OR1N2: variants seen among roughly 807,000 people sequenced by gnomAD.
OR1N2 encodes olfactory receptor family 1 subfamily N member 2, also known as olfactory receptor 1N2.
For missense variants in OR1N2, 358 were observed against 380.2 expected, an observed-to-expected ratio of 0.94 and a Z score of 0.49; for synonymous variants, 152 against 149.3, an observed-to-expected ratio of 1.02 and a Z score of -0.13.
chr9:122,554,046 G>C lies in OR1N2; in HGVS notation c.835G>C (p.Val279Leu), dbSNP rs757279700. The change falls in exon 1 of 1, where the codon GTT (valine) becomes CTT (leucine). Residue 279 changes from valine to leucine, a missense_variant. Transcript: ENST00000373688. ...YSTERESRAA[V>L]LYMVIIPTLN... Reference sequence around the variant, plus strand: ...TACAGAGAGGGAAAGTAGGGCTGCTGTTCTCTATATGGTGATTATTCCCAC... The same window carrying C: ...TACAGAGAGGGAAAGTAGGGCTGCTCTTCTCTATATGGTGATTATTCCCAC... 6.2e-7 allele frequency: 1 copy of C among 1,613,726 alleles called. No homozygotes were observed. The highest frequency in any genetic ancestry group is 1.7e-5 in the Admixed American group (1 of 60,002).
At position 122,553,729 on chromosome 9, in the gene OR1N2, C is replaced by T. The variant is rs1333940102; in HGVS notation, c.518C>T (p.Ala173Val). ...TLLLTRVAFC[A>V]QKAIPHFYCD... ...TTGCTGACCCGCGTGGCTTTCTGTGCCCAGAAAGCCATCCCTCATTTCTAT... is the reference window on the plus strand; with the variant it reads ...TTGCTGACCCGCGTGGCTTTCTGTGTCCAGAAAGCCATCCCTCATTTCTAT... The change falls in exon 1 of 1, where the codon GCC (alanine) becomes GTC (valine). Residue 173 changes from alanine to valine, a missense_variant. Physicochemically the swap from Ala to Val is moderately conservative, Grantham distance 64. Transcript: ENST00000373688. The T allele has an allele frequency of 6.2e-7, 1 of 1,613,430 alleles. No homozygotes were observed. Among genetic ancestry groups the T allele is most frequent in the Admixed American group, 1.7e-5 (1 of 59,988 alleles).
In OR1N2 at chr9:122,553,795, C is replaced by A; in HGVS notation, c.584C>A (p.Thr195Asn). 6.2e-7 allele frequency: 1 copy of A among 1,614,070 alleles called. No homozygotes were observed. The highest frequency in any genetic ancestry group is 1.1e-5 in the South Asian group (1 of 91,078). Residue 195 changes from threonine (T) to asparagine (N), a missense_variant, in exon 1 of 1, where the codon ACC (threonine) becomes AAC (asparagine). By Grantham distance (65) the Thr-to-Asn change is moderately conservative. Transcript: ENST00000373688. ...SALLKLACSD[T>N]HVNELMIITM... is the part of the protein sequence containing the mutation. ...CTCCTGAAGCTTGCCTGCTCAGATA[C>A]CCATGTAAACGAGCTGATGATCATC...
chr9:122,553,518 C>T lies in OR1N2; in HGVS notation c.307C>T (p.Gln103Ter). 6.2e-7 allele frequency: 1 copy of T among 1,614,108 alleles called. No homozygotes were observed. Among genetic ancestry groups the T allele is most frequent in the Non-Finnish European group, 8.5e-7 (1 of 1,180,000 alleles). ...CATCTCGTATTCTGGGTGTCTTGCA[C>T]AGCTATATTTCCTCCTTATGTTTGG... ...QIISYSGCLAQLYFLLMFGGL... is the reference protein window; with the variant it reads ...QIISYSGCLA Residue 103 changes from glutamine (Q) to a stop codon, truncating the protein, a stop_gained, in exon 1 of 1, where the codon CAG (glutamine) becomes TAG (stop). Transcript: ENST00000373688. LOFTEE classifies it low-confidence loss of function (END_TRUNC).
chr9:122,553,358 C>T lies in OR1N2; in HGVS notation c.147C>T (p.Ile49=). The T allele has an allele frequency of 6.2e-7, 1 of 1,614,012 alleles. No homozygotes were observed. Among genetic ancestry groups the T allele is most frequent in the Non-Finnish European group, 8.5e-7 (1 of 1,179,964 alleles). Residue 49 remains isoleucine, a synonymous_variant, in exon 1 of 1, where the codon ATC becomes ATT. Transcript: ENST00000373688. ...LVTMVGNLLI[I]LAISSDPHLH... ...CCATGGTGGGGAACCTGCTCATTAT[C>T]CTGGCCATCAGCTCTGACCCACACC...
In OR1N2 at chr9:122,554,071, C is replaced by A. The variant is rs1411272; in HGVS notation, c.860C>A (p.Thr287Lys). The part of the protein sequence containing the change: ...AAVLYMVIIP[T>K]LNPFIYSLRN... ...GTTCTCTATATGGTGATTATTCCCACGCTAAACCCATTCATTTATAGCTTG... is the reference window on the plus strand; with the variant it reads ...GTTCTCTATATGGTGATTATTCCCAAGCTAAACCCATTCATTTATAGCTTG... The change falls in exon 1 of 1, where the codon ACG becomes AAG. Residue 287 changes from threonine (T) to lysine (K), a missense_variant. By Grantham distance (78) the Thr-to-Lys change is moderately conservative (BLOSUM62 -1). Coordinates refer to ENST00000373688, the MANE Select transcript of OR1N2 (RefSeq NM_001004457.2). 2 of 1,613,230 alleles carry A rather than the reference C, an allele frequency of 1.2e-6. No homozygotes were observed. Among genetic ancestry groups the A allele is most frequent in the African/African-American group, 2.7e-5 (2 of 74,784 alleles).
chr9:122,553,352 C>G lies in OR1N2; in HGVS notation c.141C>G (p.Leu47=). 1 of 1,613,970 alleles carries G rather than the reference C, an allele frequency of 6.2e-7. No individual in the cohort carries two copies. Among genetic ancestry groups the G allele is most frequent in the African/African-American group, 1.3e-5 (1 of 74,980 alleles). Residue 47 remains leucine, a synonymous_variant, in exon 1 of 1, where the codon CTC becomes CTG. Coordinates refer to ENST00000373688, the MANE Select transcript of OR1N2 (RefSeq NM_001004457.2). ...TGGTCACCATGGTGGGGAACCTGCT[C>G]ATTATCCTGGCCATCAGCTCTGACC... ...MYLVTMVGNL[L]IILAISSDPH...
Position 122,553,577 on chromosome 9 carries a change from A to G in OR1N2, c.366A>G (p.Ala122=), listed in dbSNP as rs995053846. ...ACAACTGCCTGCTGGCTGTGATGGC[A>G]TATGACCGCTATGTGGCCATCTGCC... ...GLDNCLLAVM[A]YDRYVAICQP... is the part of the protein sequence containing the mutation. Residue 122 remains alanine, a synonymous_variant, in exon 1 of 1, where the codon GCA becomes GCG. Coordinates refer to ENST00000373688, the MANE Select transcript of OR1N2 (RefSeq NM_001004457.2). 3.7e-6 allele frequency: 6 copies of G among 1,614,100 alleles called. No individual in the cohort carries two copies. The highest frequency in any genetic ancestry group is 4.2e-6 in the Non-Finnish European group (5 of 1,180,000).
Position 122,553,898 on chromosome 9 carries a change from T to G in OR1N2, c.687T>G (p.Phe229Leu), listed in dbSNP as rs774233170. ...ATGTCCGCATTTTCTGGGCTGTGTT[T>G]GTCATCTCATCTCCTGGAGGGAGAT... The part of the protein sequence containing the change: ...FSYVRIFWAV[F>L]VISSPGGRWK... The change falls in exon 1 of 1, where the codon TTT (phenylalanine) becomes TTG (leucine). Residue 229 changes from phenylalanine to leucine, a missense_variant. By Grantham distance (22) the Phe-to-Leu change is conservative. Coordinates refer to ENST00000373688, the MANE Select transcript of OR1N2 (RefSeq NM_001004457.2). 19 of 1,614,028 alleles carry G rather than the reference T, an allele frequency of 1.2e-5. No homozygotes were observed. Among genetic ancestry groups the G allele is most frequent in the Non-Finnish European group, 1.6e-5 (19 of 1,180,012 alleles).
Position 122,553,520 on chromosome 9 carries a change from G to A in OR1N2, c.309G>A (p.Gln103=). 1.9e-6 allele frequency: 3 copies of A among 1,614,096 alleles called. No homozygotes were observed. Among genetic ancestry groups the A allele is most frequent in the Non-Finnish European group, 2.5e-6 (3 of 1,180,008 alleles). ...TCTCGTATTCTGGGTGTCTTGCACA[G>A]CTATATTTCCTCCTTATGTTTGGTG... ...QIISYSGCLA[Q]LYFLLMFGGL... The change falls in exon 1 of 1, where the codon CAG becomes CAA. Residue 103 remains glutamine, a synonymous_variant. Transcript: ENST00000373688.
At position 122,553,118 on chromosome 9, in the gene OR1N2, T is replaced by C; in HGVS notation, c.-94T>C. 1 of 1,324,126 alleles carries C rather than the reference T, an allele frequency of 7.6e-7. No homozygotes were observed. The highest frequency in any genetic ancestry group is 1.1e-6 in the Non-Finnish European group (1 of 951,486). 82.0% of individuals were successfully genotyped at this position (1,324,126 alleles called of 1,614,324 possible). A position where few individuals can be genotyped will look rare whatever the true frequency, so the allele number is the denominator to read the frequency against. ...TTTTCTTTTTCTCCCAGCACAGTTC[T>C]GGCCACACAGATGCATATCTGTAAA... On this transcript the variant is annotated 5_prime_UTR_variant, in exon 1 of 1. Transcript: ENST00000373688.
chr9:122,553,863 G>A lies in OR1N2; in HGVS notation c.652G>A (p.Val218Ile), dbSNP rs370834596. ...CCTCACTGTTCCCCTCCTGCTGATC[G>A]TCTTCTCCTATGTCCGCATTTTCTG... ...LFLTVPLLLI[V>I]FSYVRIFWAV... is the part of the protein sequence containing the mutation. The change falls in exon 1 of 1, where the codon GTC (valine) becomes ATC (isoleucine). Residue 218 changes from valine (V) to isoleucine (I), a missense_variant. Physicochemically the swap from Val to Ile is conservative, Grantham distance 29. Transcript: ENST00000373688. 43 of 1,613,918 alleles carry A rather than the reference G, an allele frequency of 2.7e-5. No homozygotes were observed. Among genetic ancestry groups the A allele is most frequent in the African/African-American group, 2.3e-4 (17 of 74,996 alleles).
In OR1N2 at chr9:122,553,716, G is replaced by A. The variant is rs754685404; in HGVS notation, c.505G>A (p.Val169Met). 4.2e-5 allele frequency: 68 copies of A among 1,613,794 alleles called. No individual in the cohort carries two copies. The South Asian group carries it at 4.9e-4, about 12-fold the overall frequency. Residue 169 changes from valine to methionine, a missense_variant, in exon 1 of 1, where the codon GTG becomes ATG. Transcript: ENST00000373688. ...ALMHTLLLTRVAFCAQKAIPH... is the reference protein window; with the variant it reads ...ALMHTLLLTRMAFCAQKAIPH... ...GATGCACACACTGTTGCTGACCCGC[G>A]TGGCTTTCTGTGCCCAGAAAGCCAT... is the stretch of plus-strand genomic sequence containing the variant.
In OR1N2 at chr9:122,553,801, T is replaced by C; in HGVS notation, c.590T>C (p.Val197Ala). Residue 197 changes from valine to alanine, a missense_variant, in exon 1 of 1, where the codon GTA becomes GCA. By Grantham distance (64) the Val-to-Ala change is moderately conservative. Coordinates refer to ENST00000373688, the MANE Select transcript of OR1N2 (RefSeq NM_001004457.2). ...LLKLACSDTHVNELMIITMGL... is the reference protein window; with the variant it reads ...LLKLACSDTHANELMIITMGL... ...AAGCTTGCCTGCTCAGATACCCATG[T>C]AAACGAGCTGATGATCATCACCATG... 1.2e-6 allele frequency: 2 copies of C among 1,614,084 alleles called. No individual in the cohort carries two copies. The highest frequency in any genetic ancestry group is 1.7e-6 in the Non-Finnish European group (2 of 1,179,940).
chr9:122,553,832 G>A lies in OR1N2; in HGVS notation c.621G>A (p.Leu207=). The change falls in exon 1 of 1, where the codon TTG becomes TTA. Residue 207 remains leucine, a synonymous_variant. Transcript: ENST00000373688. ...AGCTGATGATCATCACCATGGGCTT[G>A]CTGTTCCTCACTGTTCCCCTCCTGC... The part of the protein sequence containing the change: ...VNELMIITMG[L]LFLTVPLLLI... 1 of 1,614,012 alleles carries A rather than the reference G, an allele frequency of 6.2e-7. No individual in the cohort carries two copies. Among genetic ancestry groups the A allele is most frequent in the Non-Finnish European group, 8.5e-7 (1 of 1,179,910 alleles).
chr9:122,553,365 A>T lies in OR1N2; in HGVS notation c.154A>T (p.Ile52Phe). 1 of 1,614,040 alleles carries T rather than the reference A, an allele frequency of 6.2e-7. No homozygotes were observed. ...GGGGAACCTGCTCATTATCCTGGCC[A>T]TCAGCTCTGACCCACACCTCCATAC... ...MVGNLLIILA[I>F]SSDPHLHTPM... Residue 52 changes from isoleucine to phenylalanine, a missense_variant, in exon 1 of 1, where the codon ATC becomes TTC. By Grantham distance (21) the Ile-to-Phe change is conservative. Coordinates refer to ENST00000373688, the MANE Select transcript of OR1N2 (RefSeq NM_001004457.2).
At position 122,554,069 on chromosome 9, in the gene OR1N2, C is replaced by T. The variant is rs1829237093; in HGVS notation, c.858C>T (p.Pro286=). ...RAAVLYMVII[P]TLNPFIYSLR... Reference sequence around the variant, plus strand: ...CTGTTCTCTATATGGTGATTATTCCCACGCTAAACCCATTCATTTATAGCT... The same window carrying T: ...CTGTTCTCTATATGGTGATTATTCCTACGCTAAACCCATTCATTTATAGCT... The change falls in exon 1 of 1, where the codon CCC becomes CCT. Residue 286 remains proline, a synonymous_variant. Transcript: ENST00000373688. The T allele has an allele frequency of 3.7e-6, 6 of 1,613,512 alleles. No homozygotes were observed. The East Asian group carries it at 1.3e-4, about 36-fold the overall frequency.
chr9:122,553,387 A>G lies in OR1N2; in HGVS notation c.176A>G (p.His59Arg). 6.2e-7 allele frequency: 1 copy of G among 1,613,960 alleles called. No individual in the cohort carries two copies. The highest frequency in any genetic ancestry group is 8.5e-7 in the Non-Finnish European group (1 of 1,179,972). ...GCCATCAGCTCTGACCCACACCTCC[A>G]TACTCCCATGTACTTCTTTCTGGCC... is the stretch of plus-strand genomic sequence containing the variant. ...ILAISSDPHL[H>R]TPMYFFLANL... is the part of the protein sequence containing the mutation. Residue 59 changes from histidine to arginine, a missense_variant, in exon 1 of 1, where the codon CAT becomes CGT. His to Arg is a conservative substitution (Grantham distance 29). Coordinates refer to ENST00000373688, the MANE Select transcript of OR1N2 (RefSeq NM_001004457.2).
Position 122,553,414 on chromosome 9 carries a change from A to G in OR1N2, c.203A>G (p.Asn68Ser), listed in dbSNP as rs549258788. The G allele has an allele frequency of 5.6e-6, 9 of 1,613,980 alleles. No homozygotes were observed. The highest frequency in any genetic ancestry group is 7.6e-6 in the Non-Finnish European group (9 of 1,180,006). The change falls in exon 1 of 1, where the codon AAC becomes AGC. Residue 68 changes from asparagine to serine, a missense_variant. By Grantham distance (46) the Asn-to-Ser change is conservative. Transcript: ENST00000373688. ...ACTCCCATGTACTTCTTTCTGGCCA[A>G]CCTGTCATTAACTGATGCCTGTTTC... ...LHTPMYFFLA[N>S]LSLTDACFTS...
In OR1N2 at chr9:122,553,595, C is replaced by T. The variant is rs1188531892; in HGVS notation, c.384C>T (p.Ala128=). The T allele has an allele frequency of 3.1e-6, 5 of 1,614,000 alleles. No individual in the cohort carries two copies. Among genetic ancestry groups the T allele is most frequent in the Non-Finnish European group, 4.2e-6 (5 of 1,180,008 alleles). Residue 128 remains alanine (A), a synonymous_variant, in exon 1 of 1, where the codon GCC becomes GCT. Transcript: ENST00000373688. ...LAVMAYDRYV[A]ICQPLHYSTS... ...TGATGGCATATGACCGCTATGTGGC[C>T]ATCTGCCAACCACTCCATTACAGCA... is the stretch of plus-strand genomic sequence containing the variant.
Sources: allele counts gnomAD v4.1 joint callset, GRCh38; gene constraint gnomAD v4.1.1; transcripts MANE v1.5; gene names NCBI Gene and HGNC (gene_info 2026-07-23, HGNC 2026-07-21).